CNDP1: variants seen among roughly 807,000 people sequenced by gnomAD.
CNDP1 encodes carnosine dipeptidase 1.
Under a neutral mutation model 58.1 loss-of-function variants are expected in CNDP1, and 44 were observed. The ratio of observed to expected loss-of-function variants is 0.76; its 90% CI spans 0.60 to 0.97. The LOEUF is 0.97. Ranked by LOEUF, CNDP1 falls within the 50% of genes least tolerant of loss-of-function variation. The pLI is 0.00. For missense variants in CNDP1, 616 were observed against 655.1 expected (o/e 0.94, Z 0.65); for synonymous variants, 254 against 252.6 (o/e 1.01, Z -0.05).
Position 74,584,629 on chromosome 18 carries a change from G to A in CNDP1, c.*67G>A. On this transcript the variant is annotated 3_prime_UTR_variant, in exon 12 of 12. Coordinates refer to ENST00000358821, the MANE Select transcript of CNDP1 (RefSeq NM_032649.6). ...CACCTCCCCCACATCCCTAGACAGG[G>A]ATGGAATGTAAATATCCAGAGAATT... 2 of 1,240,624 alleles carry A rather than the reference G, an allele frequency of 1.6e-6. No homozygotes were observed. Among genetic ancestry groups the A allele is most frequent in the Non-Finnish European group, 2.4e-6 (2 of 840,764 alleles). 76.9% of individuals were successfully genotyped at this position (1,240,624 alleles called of 1,614,324 possible).
chr18:74,584,378 A>T, intron 11 of CNDP1, 118 bp from the exon 12 acceptor site: 2 of 713,158 alleles, frequency 2.8e-6, no homozygotes, highest in Non-Finnish European at 4.9e-6. Flanking sequence ...GAAGTATGTT[A>T]AATAATTTAA....
At position 74,578,209 on chromosome 18, in the gene CNDP1, A is replaced by G. The variant is rs1981681977; in HGVS notation, c.1049A>G (p.His350Arg). Residue 350 changes from histidine (H) to arginine (R), a missense_variant, in exon 9 of 12, where the codon CAT becomes CGT. Coordinates refer to ENST00000358821, the MANE Select transcript of CNDP1 (RefSeq NM_032649.6). Reference protein sequence around the residue: ...HLWRYPSLSIHGIEGAFDEPG... With the variant: ...HLWRYPSLSIRGIEGAFDEPG... The stretch of plus-strand genomic sequence containing the variant: ...TGGAGGTACCCATCTCTTTCTATTC[A>G]TGGGATCGAGGGCGCGTTTGATGAG... 1 of 1,613,916 alleles carries G rather than the reference A, an allele frequency of 6.2e-7. No homozygotes were observed. Among genetic ancestry groups the G allele is most frequent in the Non-Finnish European group, 8.5e-7 (1 of 1,179,988 alleles).
At position 74,586,279 on chromosome 18, in the gene CNDP1, C is replaced by A. The variant is rs189214730; in HGVS notation, c.*1717C>A. On this transcript the variant is annotated 3_prime_UTR_variant, in exon 12 of 12. Transcript: ENST00000358821. ...TCACATCTCCAATTCTATAGAATAT[C>A]AAGTCATCGTTAAAGAACAGCAGCA... The A allele has an allele frequency of 6.6e-6, 1 of 152,280 alleles. No homozygotes were observed. The highest frequency in any genetic ancestry group is 1.9e-4 in the East Asian group (1 of 5,184). 9.4% of individuals were successfully genotyped at this position (152,280 alleles called of 1,614,324 possible). A position where few individuals can be genotyped will look rare whatever the true frequency, so the allele number is the denominator to read the frequency against.
intron 1 of CNDP1, among the ~76,000 whole-genome samples, chr18:74,535,120 C>G (rs1415363501): frequency 6.6e-6 from 1 of 152,172 alleles, no homozygotes; most frequent in Non-Finnish European, 1.5e-5. Flanking sequence ...GAGCTAATCA[C>G]CGGGCTAAAT....
At chr18:74,556,552 A>T in intron 2 of CNDP1, 86 bp downstream of exon 2, 1 of 1,544,584 alleles carries the variant, frequency 6.5e-7, no homozygotes, top group South Asian at 1.2e-5. Flanking sequence ...TTGCTTGGAG[A>T]TGTGGATTTT....
At chr18:74,559,640 T>C (rs1399313468) in intron 3 of CNDP1, among the ~76,000 whole-genome samples, 168 bp downstream of exon 3, 2 of 152,174 alleles carry the variant, frequency 1.3e-5, no homozygotes, top group African/African-American at 4.8e-5. Flanking sequence ...GAAGCCGTGT[T>C]ATTGCTTTCC....
At chr18:74,538,922 G>A (rs1215131447) in intron 1 of CNDP1, among the ~76,000 whole-genome samples, 2 of 152,082 alleles carry the variant, frequency 1.3e-5, no homozygotes, top group Non-Finnish European at 2.9e-5. Flanking sequence ...AGTATAAAAA[G>A]TCTCCCTAGA....
At chr18:74,582,302 T>C (rs1981809513) in intron 10 of CNDP1, among the ~76,000 whole-genome samples, 1 of 152,226 alleles carries the variant, frequency 6.6e-6, no homozygotes, top group Non-Finnish European at 1.5e-5. Context: ...AGAGGTGGCA[T>C]GTTCTCTCTG....
rs375877626 is a variant in CNDP1 at position 74,569,156 on chromosome 18, C to T, written c.756+1723C>T. 4.1e-4 allele frequency among the ~76,000 whole-genome samples: 63 copies of T among 152,150 alleles called. No homozygotes were observed. The South Asian group carries it at 5.0e-3, about 12-fold the overall frequency. On this transcript the variant is annotated intron_variant, in intron 6 of 11. Transcript: ENST00000358821. ...ATGTGAGACAGCCAGCTCAAGCTTT[C>T]GAAGTGAGACCGTCCACACTCCAGA... is the stretch of plus-strand genomic sequence containing the variant.
intron 7 of CNDP1, chr18:74,574,649 T>G (rs929734766): frequency 3.9e-5 from 6 of 151,970 alleles, no homozygotes; most frequent in Admixed American, 2.6e-4. Flanking sequence ...AAGAGGAAAA[T>G]GAACAGGAGG....
Position 74,578,424 on chromosome 18 carries a change from G to GA in CNDP1, c.1167+98dup, listed in dbSNP as rs1905695980. The GA allele has an allele frequency of 2.7e-5, 32 of 1,204,810 alleles. No homozygotes were observed. In the South Asian group the frequency reaches 4.3e-4, roughly 16 times the overall value. 74.6% of individuals were successfully genotyped at this position (1,204,810 alleles called of 1,614,324 possible). A position where few individuals can be genotyped will look rare whatever the true frequency, so the allele number is the denominator to read the frequency against. On this transcript the variant is annotated intron_variant, in intron 9 of 11. Coordinates refer to ENST00000358821, the MANE Select transcript of CNDP1 (RefSeq NM_032649.6). ...GTGAGCAGTGAGGTTGCTACCATTGGAGTATCATTTTTTTCCAACACAAGA... is the reference window on the plus strand; with the variant it reads ...GTGAGCAGTGAGGTTGCTACCATTGGAAGTATCATTTTTTTCCAACACAAGA...
At chr18:74,559,044 C>G (rs958489804) in intron 2 of CNDP1, among the ~76,000 whole-genome samples, 1 of 152,196 alleles carries the variant, frequency 6.6e-6, no homozygotes, top group Admixed American at 6.5e-5. Flanking sequence ...CCCTGGTGAA[C>G]GCAGTGAGGA....
Position 74,586,048 on chromosome 18 carries a change from C to CCATCA in CNDP1, c.*1488_*1492dup, listed in dbSNP as rs1981906595. 6.7e-6 allele frequency: 1 copy of CCATCA among 149,098 alleles called. No individual in the cohort carries two copies. Among genetic ancestry groups the CCATCA allele is most frequent in the Admixed American group, 6.7e-5 (1 of 14,940 alleles). The allele number at this position is 149,098 out of a possible 1,614,324, so 9.2% of individuals were successfully genotyped here. On this transcript the variant is annotated 3_prime_UTR_variant, in exon 12 of 12. Transcript: ENST00000358821. ...GAACACATTTGCGTTCAACTTTTTT[C>CCATCA]CATCACTCTGTTGGTTCTTGAGATG...
intron 3 of CNDP1, among the ~76,000 whole-genome samples, chr18:74,560,362 C>T (rs1453599135): frequency 6.6e-6 from 1 of 152,174 alleles, no homozygotes; most frequent in African/African-American, 2.4e-5. Context: ...TGCTAATTGT[C>T]AGTGTGGATC....
In CNDP1 at chr18:74,545,294, T is replaced by C. The variant is rs557917375; in HGVS notation, c.24+10603T>C. On this transcript the variant is annotated intron_variant, in intron 1 of 11. Coordinates refer to ENST00000358821, the MANE Select transcript of CNDP1 (RefSeq NM_032649.6). The surrounding 1 kb of genome is among the most constrained non-coding windows in gnomAD (Gnocchi z 4.1). Reference sequence around the variant, plus strand: ...TTTTGTTCAAAGCCAAAAGGTGGCCTGAGATGCCATCGCCAGAGGTGGCCA... The same window carrying C: ...TTTTGTTCAAAGCCAAAAGGTGGCCCGAGATGCCATCGCCAGAGGTGGCCA... Among the ~76,000 whole-genome samples, 2 of 152,322 alleles carry C rather than the reference T, an allele frequency of 1.3e-5. No individual in the cohort carries two copies. Among genetic ancestry groups the C allele is most frequent in the African/African-American group, 4.8e-5 (2 of 41,572 alleles).
At chr18:74,581,190 A>G (rs1234068373) in intron 10 of CNDP1, among the ~76,000 whole-genome samples, 1 of 150,444 alleles carries the variant, frequency 6.6e-6, no homozygotes, top group Non-Finnish European at 1.5e-5. Flanking sequence ...ATATACAGGC[A>G]GGGCATCCCC....
At chr18:74,538,396 A>G (rs1980535829) in intron 1 of CNDP1, among the ~76,000 whole-genome samples, 1 of 152,140 alleles carries the variant, frequency 6.6e-6, no homozygotes, top group African/African-American at 2.4e-5. Flanking sequence ...ATAATACTCC[A>G]TTGTGTGAAT....
At chr18:74,549,769 C>A (rs1980853493) in intron 1 of CNDP1, among the ~76,000 whole-genome samples, 1 of 152,166 alleles carries the variant, frequency 6.6e-6, no homozygotes, top group South Asian at 2.1e-4. Context: ...GCCCAGAGGC[C>A]TAGGAGGACT....
chr18:74,555,945 A>C (rs1981026020), intron 1 of CNDP1, among the ~76,000 whole-genome samples: 1 of 152,212 alleles, frequency 6.6e-6, no homozygotes, highest in Non-Finnish European at 1.5e-5. Flanking sequence ...AGTTCATCAC[A>C]CATGGAAGAT....
Sources: gnomAD v4.1 joint callset for allele counts (sites outside exome capture counted in the v4.1 genomes callset) on GRCh38, gnomAD v4.1.1 for gene constraint, Gnocchi (gnomAD v3.1) non-coding constraint, MANE v1.5 for transcripts, NCBI Gene and HGNC (gene_info 2026-07-23, HGNC 2026-07-21) for gene names.